CLVS2: variants seen among roughly 807,000 people sequenced by gnomAD.
The protein encoded by CLVS2 is clavesin 2.
CLVS2 carries 19 observed loss-of-function variants against 29.0 expected under a neutral mutation model. The observed-to-expected ratio is 0.66, with a 90% CI of 0.46 to 0.96. The LOEUF is 0.96. Among genes scored for constraint, CLVS2 ranks in the 40% least tolerant of loss-of-function variants. CLVS2 has a pLI of 0.00. For synonymous variants in CLVS2, 161 were observed against 151.3 expected (o/e 1.06, Z -0.47); for missense variants, 294 against 404.1 (o/e 0.73, Z 2.34).
chr6:123,048,608 C>T lies in CLVS2; in HGVS notation c.565-14C>T, dbSNP rs1454266030. On this transcript the variant is annotated splice_polypyrimidine_tract_variant and intron_variant, in intron 3 of 5. Transcript: ENST00000275162. ...AAGCATATTTTGATTGTTTTTTTCT[C>T]CATGTTACTCTAGGATAGTTTCCCA... is the stretch of plus-strand genomic sequence containing the variant. 1.3e-6 allele frequency: 2 copies of T among 1,568,554 alleles called. No homozygotes were observed. The highest frequency in any genetic ancestry group is 1.8e-6 in the Non-Finnish European group (2 of 1,140,558).
rs536583299 is a variant in CLVS2 at position 123,057,315 on chromosome 6, G to A, written c.896+1289G>A. ...CTCTGACTCATGGAGTAATGTGCCT[G>A]TTCTTTAAGGATGGTCTTCTTTTTT... On this transcript the variant is annotated intron_variant, in intron 5 of 5. Transcript: ENST00000275162. Among the ~76,000 whole-genome samples the A allele has an allele frequency of 2.2e-5, 3 of 138,500 alleles. No homozygotes were observed. In the South Asian group the frequency reaches 7.0e-4, roughly 32 times the overall value. The allele number at this position is 138,500 out of a possible 152,430, so 90.9% of individuals were successfully genotyped here. A position where few individuals can be genotyped will look rare whatever the true frequency, so the allele number is the denominator to read the frequency against.
chr6:123,046,425 C>T (rs555733009), intron 3 of CLVS2, among the ~76,000 whole-genome samples: 7 of 151,998 alleles, frequency 4.6e-5, no homozygotes, highest in Admixed American at 2.0e-4. Context: ...TTTGGGAGGC[C>T]GAGGTGGGCG....
At chr6:123,012,643 C>A (rs747834221) in intron 3 of CLVS2, among the ~76,000 whole-genome samples, 28 of 152,002 alleles carry the variant, frequency 1.8e-4, no homozygotes, top group Non-Finnish European at 3.5e-4. Context: ...GCTGTAACTA[C>A]TATCAGAAGT....
chr6:123,051,722 A>T (rs972678175), intron 4 of CLVS2, among the ~76,000 whole-genome samples: 3 of 152,202 alleles, frequency 2.0e-5, no homozygotes, highest in African/African-American at 7.2e-5. Context: ...TCTCTTTAAT[A>T]GCACAGTGTA....
Position 123,071,991 on chromosome 6 carries a change from A to C in CLVS2, c.*8230A>C, listed in dbSNP as rs1040247862. ...CTTACAGTCACAATTGTTCTTAACTATCCCAAATTTTTATTTCCTATTTGG... is the reference window on the plus strand; with the variant it reads ...CTTACAGTCACAATTGTTCTTAACTCTCCCAAATTTTTATTTCCTATTTGG... On this transcript the variant is annotated 3_prime_UTR_variant, in exon 6 of 6. Coordinates refer to ENST00000275162, the MANE Select transcript of CLVS2 (RefSeq NM_001010852.4). The C allele has an allele frequency of 6.6e-6, 1 of 152,014 alleles. No individual in the cohort carries two copies. Among genetic ancestry groups the C allele is most frequent in the African/African-American group, 2.4e-5 (1 of 41,438 alleles). 9.4% of individuals were successfully genotyped at this position (152,014 alleles called of 1,614,324 possible).
At chr6:123,025,017 C>T (rs970253896) in intron 3 of CLVS2, among the ~76,000 whole-genome samples, 9 of 152,100 alleles carry the variant, frequency 5.9e-5, no homozygotes, top group African/African-American at 2.2e-4. Flanking sequence ...TTCTCAGACT[C>T]CAAATCCATG....
In CLVS2 at chr6:123,065,393, A is replaced by G. The variant is rs1187192523; in HGVS notation, c.*1632A>G. 1 of 151,876 alleles carries G rather than the reference A, an allele frequency of 6.6e-6. No homozygotes were observed. Among genetic ancestry groups the G allele is most frequent in the Non-Finnish European group, 1.5e-5 (1 of 67,816 alleles). The allele number at this position is 151,876 out of a possible 1,614,324, so 9.4% of individuals were successfully genotyped here. On this transcript the variant is annotated 3_prime_UTR_variant, in exon 6 of 6. Coordinates refer to ENST00000275162, the MANE Select transcript of CLVS2 (RefSeq NM_001010852.4). ...CCAAAAGCTCCCAAAATTTGTTATA[A>G]TTCTGCAGCCAAAAATTGTAAAAGC...
chr6:123,059,278 A>C (rs2114367343), intron 5 of CLVS2, among the ~76,000 whole-genome samples: 1 of 152,282 alleles, frequency 6.6e-6, no homozygotes, highest in East Asian at 1.9e-4. Flanking sequence ...CTCCCTGTCC[A>C]TCACCCTTCT....
intron 2 of CLVS2, among the ~76,000 whole-genome samples, chr6:123,010,046 T>C (rs1312168450): frequency 6.6e-6 from 1 of 152,060 alleles, no homozygotes. Flanking sequence ...AGTATCCTAT[T>C]TTTGCATTAT....
intron 3 of CLVS2, among the ~76,000 whole-genome samples, chr6:123,040,725 G>T (rs974403489): frequency 6.7e-6 from 1 of 149,432 alleles, no homozygotes; most frequent in Admixed American, 6.7e-5. Flanking sequence ...CCGAGATCGC[G>T]CCATTGCACT....
rs1409764088 is a variant in CLVS2, at chr6:123,071,769, T to C, written c.*8008T>C. On this transcript the variant is annotated 3_prime_UTR_variant, in exon 6 of 6. Transcript: ENST00000275162. Reference sequence around the variant, plus strand: ...TGTTTCTAAGGTCTTTCCATGATCTTGAAATCTATATATTATAGTCATTTA... The same window carrying C: ...TGTTTCTAAGGTCTTTCCATGATCTCGAAATCTATATATTATAGTCATTTA... The C allele has an allele frequency of 6.6e-6, 1 of 152,026 alleles. No individual in the cohort carries two copies. Among genetic ancestry groups the C allele is most frequent in the Non-Finnish European group, 1.5e-5 (1 of 67,932 alleles). The allele number at this position is 152,026 out of a possible 1,614,324, so 9.4% of individuals were successfully genotyped here.
Position 123,070,837 on chromosome 6 carries a change from C to T in CLVS2, c.*7076C>T, listed in dbSNP as rs1367339820. The T allele has an allele frequency of 6.6e-6, 1 of 151,976 alleles. No homozygotes were observed. The highest frequency in any genetic ancestry group is 2.4e-5 in the African/African-American group (1 of 41,402). 9.4% of individuals were successfully genotyped at this position (151,976 alleles called of 1,614,324 possible). A position where few individuals can be genotyped will look rare whatever the true frequency, so the allele number is the denominator to read the frequency against. ...TCATCTTTGCTGTTCCAGGAACTTG[C>T]TAAGCATGCCTCTACCTCAGGACTT... On this transcript the variant is annotated 3_prime_UTR_variant, in exon 6 of 6. Transcript: ENST00000275162.
At chr6:123,037,273 C>T (rs1582657012) in intron 3 of CLVS2, among the ~76,000 whole-genome samples, 2 of 152,062 alleles carry the variant, frequency 1.3e-5, no homozygotes, top group African/African-American at 2.4e-5. Context: ...TATTCTCTCC[C>T]ACATCCCCTC....
intron 3 of CLVS2, among the ~76,000 whole-genome samples, chr6:123,017,115 TGC>T (rs376718727): frequency 5.4e-5 from 8 of 147,456 alleles, no homozygotes; most frequent in African/African-American, 2.0e-4. Context: ...TGTGTGTGTG[TGC>T]GTAAGATGGT....
chr6:123,024,539 G>A (rs1774972414), intron 3 of CLVS2, among the ~76,000 whole-genome samples: 1 of 152,066 alleles, frequency 6.6e-6, no homozygotes, highest in African/African-American at 2.4e-5. Flanking sequence ...AAAGGCATAT[G>A]GTAGAATTTT....
intron 4 of CLVS2, among the ~76,000 whole-genome samples, chr6:123,049,384 CATT>C (rs1402300005): frequency 6.6e-6 from 1 of 152,016 alleles, no homozygotes; most frequent in African/African-American, 2.4e-5. Context: ...ATACTGAACA[CATT>C]ATTTTTATTA....
chr6:123,044,349 C>T (rs1775277620), intron 3 of CLVS2, among the ~76,000 whole-genome samples: 2 of 152,130 alleles, frequency 1.3e-5, no homozygotes, highest in South Asian at 4.1e-4. Context: ...ACCAAAAGCG[C>T]TTTAGATAGA....
Position 123,016,021 on chromosome 6 carries a change from C to CTTTTT in CLVS2, c.564+4885_564+4889dup, listed in dbSNP as rs58103603. ...GTGATAGGTAAGGCACAACATCAGA[C>CTTTTT]TTTTTTTTTTTTTTTTTTTTTTTTT... is the stretch of plus-strand genomic sequence containing the variant. On this transcript the variant is annotated intron_variant, in intron 3 of 5. Transcript: ENST00000275162. 2.4e-4 allele frequency among the ~76,000 whole-genome samples: 12 copies of CTTTTT among 50,820 alleles called. 1 individual carries two copies. The East Asian group carries it at 2.9e-3, about 12-fold the overall frequency. The allele number at this position is 50,820 out of a possible 152,430, so 33.3% of individuals were successfully genotyped here. A position where few individuals can be genotyped will look rare whatever the true frequency, so the allele number is the denominator to read the frequency against.
intron 3 of CLVS2, among the ~76,000 whole-genome samples, chr6:123,044,341 CA>C (rs1461115640): frequency 6.6e-6 from 1 of 152,052 alleles, no homozygotes; most frequent in Non-Finnish European, 1.5e-5. Flanking sequence ...TCTGTAAAAC[CA>C]AAAGCGCTTT....
Sources: gnomAD v4.1 joint callset for allele counts (sites outside exome capture counted in the v4.1 genomes callset) on GRCh38, gnomAD v4.1.1 for gene constraint, MANE v1.5 for transcripts, NCBI Gene and HGNC (gene_info 2026-07-23, HGNC 2026-07-21) for gene names.